The following AFG2A variants were observed in gnomAD, a reference collection of about 807,000 sequenced individuals.
AFG2A encodes the protein ATPase family gene 2 protein homolog A.
the AFG2A span, among the ~76,000 whole-genome samples, chr4:123,304,766 G>A: frequency 6.6e-6 from 1 of 152,180 alleles, no homozygotes; most frequent in Non-Finnish European, 1.5e-5. Flanking sequence ...AACAGCGGGG[G>A]CAGCAGCCAG....
At chr4:123,192,625 C>G in the AFG2A span, among the ~76,000 whole-genome samples, 1 of 152,224 alleles carries the variant, frequency 6.6e-6, no homozygotes, top group African/African-American at 2.4e-5. Context: ...AGAACATCTC[C>G]TTCACTGAAG....
the AFG2A span, among the ~76,000 whole-genome samples, chr4:123,132,297 C>T: frequency 6.6e-6 from 1 of 152,076 alleles, no homozygotes; most frequent in African/African-American, 2.4e-5. Context: ...CTTTTCCCAA[C>T]CCTTAGGTCC....
chr4:123,058,239 C>G, the AFG2A span, among the ~76,000 whole-genome samples: 1 of 152,116 alleles, frequency 6.6e-6, no homozygotes, highest in East Asian at 1.9e-4. Context: ...GCTAGGAGAC[C>G]TCACAATCAT....
chr4:123,057,427 A>AT, the AFG2A span: 1 of 810,122 alleles, frequency 1.2e-6, no homozygotes, highest in African/African-American at 1.7e-5. Flanking sequence ...AGTTTTTGTA[A>AT]TTTTTTCCTC....
the AFG2A span, among the ~76,000 whole-genome samples, chr4:123,123,930 C>T: frequency 1.7e-4 from 20 of 116,360 alleles, no homozygotes; most frequent in Admixed American, 1.8e-3. Flanking sequence ...CCAGCCTGGG[C>T]GACAGAGTGA....
chr4:123,000,968 G>A, the AFG2A span, among the ~76,000 whole-genome samples: 1 of 118,480 alleles, frequency 8.4e-6, no homozygotes, highest in African/African-American at 2.8e-5. Context: ...ATTGATTATT[G>A]CCACAATTTC....
At chr4:123,282,070 A>G in the AFG2A span, among the ~76,000 whole-genome samples, 1 of 152,128 alleles carries the variant, frequency 6.6e-6, no homozygotes, top group Admixed American at 6.5e-5. Flanking sequence ...TAACAAATGT[A>G]CCACTCTGAT....
At chr4:122,947,868 T>G in the AFG2A span, among the ~76,000 whole-genome samples, 5 of 152,194 alleles carry the variant, frequency 3.3e-5, no homozygotes, top group African/African-American at 1.2e-4. Context: ...CAGTTGACCC[T>G]TGAACTATGA....
chr4:123,061,356 C>T, the AFG2A span, among the ~76,000 whole-genome samples: 2 of 152,160 alleles, frequency 1.3e-5, no homozygotes, highest in Non-Finnish European at 2.9e-5. Context: ...TGAAGAAATA[C>T]CCAAGACTGG....
the AFG2A span, among the ~76,000 whole-genome samples, chr4:123,052,917 G>A: frequency 6.6e-6 from 1 of 152,164 alleles, no homozygotes; most frequent in Admixed American, 6.5e-5. Context: ...CAAACCACTG[G>A]TGTAGGTCTG....
At chr4:123,089,679 G>C in the AFG2A span, among the ~76,000 whole-genome samples, 2 of 152,006 alleles carry the variant, frequency 1.3e-5, no homozygotes, top group African/African-American at 4.8e-5. Context: ...CCACCTCCCA[G>C]GTTCAAGGTA....
chr4:123,166,606 T>C, the AFG2A span, among the ~76,000 whole-genome samples: 1 of 152,192 alleles, frequency 6.6e-6, no homozygotes, highest in Non-Finnish European at 1.5e-5. Context: ...GTTAGGGAAC[T>C]TGTTTGGATC....
At chr4:122,981,173 G>C in the AFG2A span, among the ~76,000 whole-genome samples, 1 of 152,000 alleles carries the variant, frequency 6.6e-6, no homozygotes, top group Non-Finnish European at 1.5e-5. Context: ...CTGATTTTTT[G>C]TATGTGGTGT....
At chr4:123,287,722 C>A in the AFG2A span, among the ~76,000 whole-genome samples, 1 of 151,944 alleles carries the variant, frequency 6.6e-6, no homozygotes, top group East Asian at 1.9e-4. Context: ...TTGTGAGAGG[C>A]AACAGACCAT....
At chr4:123,074,554 C>T in the AFG2A span, among the ~76,000 whole-genome samples, 1 of 150,398 alleles carries the variant, frequency 6.6e-6, no homozygotes, top group Non-Finnish European at 1.5e-5. Flanking sequence ...TTAAGACTAT[C>T]TTTTGAGTTC....
the AFG2A span, among the ~76,000 whole-genome samples, chr4:123,298,279 A>G: frequency 6.6e-6 from 1 of 152,202 alleles, no homozygotes; most frequent in Non-Finnish European, 1.5e-5. Context: ...TGTGAGATGT[A>G]AAACACAGCA....
chr4:123,184,783 G>T, the AFG2A span, among the ~76,000 whole-genome samples: 2 of 151,500 alleles, frequency 1.3e-5, no homozygotes, highest in African/African-American at 4.8e-5. Context: ...TGATCCGCCC[G>T]CCTAGGCCTC....
At chr4:123,056,411 G>A in the AFG2A span, 1 of 1,612,682 alleles carries the variant, frequency 6.2e-7, no homozygotes, top group South Asian at 1.1e-5. Flanking sequence ...GAATAAATAT[G>A]TTGGTGAATC....
the AFG2A span, among the ~76,000 whole-genome samples, chr4:123,226,393 C>T: frequency 1.3e-4 from 20 of 152,224 alleles, no homozygotes; most frequent in South Asian, 3.9e-3. Flanking sequence ...CCCATCAATA[C>T]CTAATTTATT....
Sources: allele counts gnomAD v4.1 joint callset (sites outside exome capture counted in the v4.1 genomes callset), GRCh38; gene constraint gnomAD v4.1.1; transcripts MANE v1.5; gene names NCBI Gene and HGNC (gene_info 2026-07-23, HGNC 2026-07-21).